CALCR: variants seen among roughly 807,000 people sequenced by gnomAD.
CALCR encodes the protein calcitonin receptor.
Under a neutral mutation model 59.5 loss-of-function variants are expected in CALCR, and 47 were observed. The observed-to-expected ratio is 0.79, with a 90% confidence interval of 0.63 to 1.01. The LOEUF is 1.01. CALCR is among the 50% of genes least tolerant of loss of function. The probability of loss-of-function intolerance (pLI) is 0.00; values close to 1 mark genes in which losing one functional copy is unlikely to be tolerated. For synonymous variants in CALCR, 213 were observed against 211.3 expected (o/e 1.01, Z -0.07); for missense variants, 566 against 597.1 (o/e 0.95, Z 0.54).
intron 8 of CALCR, among the ~76,000 whole-genome samples, chr7:93,447,157 T>G (rs1800021653): frequency 6.6e-6 from 1 of 152,054 alleles, no homozygotes; most frequent in East Asian, 1.9e-4. Flanking sequence ...TTGGGTACAC[T>G]ATTTAATCTA....
chr7:93,489,657 A>G (rs1309607301), intron 2 of CALCR, among the ~76,000 whole-genome samples: 1 of 151,980 alleles, frequency 6.6e-6, no homozygotes, highest in African/African-American at 2.4e-5. Flanking sequence ...AATAAACTAG[A>G]AAATCTAGAA....
chr7:93,469,365 C>T lies in CALCR; in HGVS notation c.430-559G>A, dbSNP rs138642090. ...ACGATCATGGTTAATTTTATTTATTCTCCCATAATGTTATGTTGACTCGGA... is the reference window on the plus strand; with the variant it reads ...ACGATCATGGTTAATTTTATTTATTTTCCCATAATGTTATGTTGACTCGGA... On this transcript the variant is annotated intron_variant, in intron 6 of 13. Transcript: ENST00000426151. Among the ~76,000 whole-genome samples, 229 of 148,788 alleles carry T rather than the reference C, an allele frequency of 1.5e-3. 2 individuals carry two copies. The highest frequency in any genetic ancestry group is 5.5e-3 in the African/African-American group (221 of 40,478).
intron 8 of CALCR, among the ~76,000 whole-genome samples, chr7:93,451,097 T>G (rs990554292): frequency 6.6e-6 from 1 of 151,930 alleles, no homozygotes; most frequent in Non-Finnish European, 1.5e-5. Flanking sequence ...GGTCTTGAGA[T>G]AATCCTCAAA....
chr7:93,519,181 T>G (rs1350365583), intron 2 of CALCR, among the ~76,000 whole-genome samples: 1 of 151,846 alleles, frequency 6.6e-6, no homozygotes, highest in Non-Finnish European at 1.5e-5. Context: ...TTTTCTCCTG[T>G]TTTTTCTGTT....
Position 93,426,732 on chromosome 7 carries a change from G to A in CALCR, c.1192-143C>T, listed in dbSNP as rs149460126. 976 of 519,970 alleles carry A rather than the reference G, an allele frequency of 1.9e-3. 16 individuals carry two copies. Among genetic ancestry groups the A allele is most frequent in the African/African-American group, 0.017 (885 of 52,024 alleles). The allele number at this position is 519,970 out of a possible 1,614,324, so 32.2% of individuals were successfully genotyped here. On this transcript the variant is annotated intron_variant, in intron 13 of 13. Coordinates refer to ENST00000426151, the MANE Select transcript of CALCR (RefSeq NM_001742.4). ...TCTAAAGGGCTGGGCTGTGTATGCT[G>A]TGGCCACAGAATATATCAACTTGGA...
intron 2 of CALCR, among the ~76,000 whole-genome samples, chr7:93,526,570 T>G (rs1801882239): frequency 6.6e-6 from 1 of 152,098 alleles, no homozygotes; most frequent in Admixed American, 6.6e-5. Context: ...CTTATTTAAG[T>G]GTGGTCATAA....
chr7:93,454,051 C>T (rs1446403214), intron 8 of CALCR, among the ~76,000 whole-genome samples: 1 of 152,006 alleles, frequency 6.6e-6, no homozygotes, highest in Non-Finnish European at 1.5e-5. Flanking sequence ...CCATAAGCTA[C>T]TGAAATAGAT....
chr7:93,541,458 G>A (rs953650580), intron 2 of CALCR, among the ~76,000 whole-genome samples: 20 of 151,948 alleles, frequency 1.3e-4, no homozygotes, highest in African/African-American at 1.2e-4. Context: ...CACCGCACCC[G>A]GCCTTTATCT....
chr7:93,451,630 C>T (rs1247275476), intron 8 of CALCR, among the ~76,000 whole-genome samples: 1 of 151,926 alleles, frequency 6.6e-6, no homozygotes, highest in Non-Finnish European at 1.5e-5. Flanking sequence ...GGTCATCACA[C>T]AAGTTTCGTT....
chr7:93,443,177 C>T (rs1799945147), intron 9 of CALCR, among the ~76,000 whole-genome samples: 1 of 152,082 alleles, frequency 6.6e-6, no homozygotes, highest in Admixed American at 6.6e-5. Flanking sequence ...GATGGATTGA[C>T]AGGAAGAAAT....
intron 13 of CALCR, among the ~76,000 whole-genome samples, chr7:93,429,809 A>G (rs1799608642): frequency 6.6e-6 from 1 of 151,968 alleles, no homozygotes; most frequent in African/African-American, 2.4e-5. Flanking sequence ...ACCACAATCT[A>G]ACAGACCTGC....
intron 13 of CALCR, among the ~76,000 whole-genome samples, chr7:93,430,929 A>G (rs1424253708): frequency 6.6e-6 from 1 of 152,234 alleles, no homozygotes; most frequent in African/African-American, 2.4e-5. Context: ...CTCTAGAAAG[A>G]CATTGTATTG....
At chr7:93,523,228 T>C (rs769991864) in intron 2 of CALCR, among the ~76,000 whole-genome samples, 1 of 152,210 alleles carries the variant, frequency 6.6e-6, no homozygotes, top group Non-Finnish European at 1.5e-5. Context: ...TACAAACAGT[T>C]GCCTACTTCA....
intron 2 of CALCR, among the ~76,000 whole-genome samples, chr7:93,528,729 A>C (rs776997272): frequency 6.6e-6 from 1 of 152,212 alleles, no homozygotes; most frequent in Non-Finnish European, 1.5e-5. Flanking sequence ...GAATAAGTTA[A>C]ACACTAAAGA....
chr7:93,484,692 T>C (rs965578567), intron 3 of CALCR, among the ~76,000 whole-genome samples: 6 of 151,764 alleles, frequency 4.0e-5, no homozygotes, highest in Admixed American at 3.3e-4. Context: ...AAACTGCATA[T>C]ATCATAAATT....
At chr7:93,489,078 T>G (rs948688033) in intron 2 of CALCR, among the ~76,000 whole-genome samples, 1 of 151,862 alleles carries the variant, frequency 6.6e-6, no homozygotes, top group African/African-American at 2.4e-5. Flanking sequence ...CAGACCACAA[T>G]GCAATCAAAT....
intron 8 of CALCR, among the ~76,000 whole-genome samples, chr7:93,457,535 A>C (rs1562981146): frequency 6.6e-6 from 1 of 152,156 alleles, no homozygotes; most frequent in African/African-American, 2.4e-5. Context: ...TCTATTCAAG[A>C]ATTATGATAC....
chr7:93,467,440 G>A (rs1562985329), intron 7 of CALCR, among the ~76,000 whole-genome samples: 1 of 151,328 alleles, frequency 6.6e-6, no homozygotes, highest in Non-Finnish European at 1.5e-5. Context: ...AATGATGAAG[G>A]AAAAAAATAG....
intron 5 of CALCR, among the ~76,000 whole-genome samples, chr7:93,475,733 A>G (rs924500605): frequency 6.6e-6 from 1 of 151,734 alleles, no homozygotes; most frequent in Non-Finnish European, 1.5e-5. Flanking sequence ...CTTGGTTTTA[A>G]CTGTTATAAC....
Sources: gnomAD v4.1 joint callset for allele counts (sites outside exome capture counted in the v4.1 genomes callset) on GRCh38, gnomAD v4.1.1 for gene constraint, MANE v1.5 for transcripts, NCBI Gene and HGNC (gene_info 2026-07-23, HGNC 2026-07-21) for gene names.